ADH5: variants seen among roughly 807,000 people sequenced by gnomAD.
ADH5 encodes alcohol dehydrogenase 5 (class III), chi polypeptide, also known as alcohol dehydrogenase class-3.
A neutral mutation model predicts 40.3 loss-of-function variants in ADH5; 32 were observed. That is an observed-to-expected ratio of 0.79 (90% CI 0.60 to 1.07). The LOEUF is 1.07. Among genes scored for constraint, ADH5 ranks in the 50% least tolerant of loss-of-function variants. The pLI is 0.00. For missense variants in ADH5, 353 were observed against 460.5 expected (o/e 0.77, Z 2.14); for synonymous variants, 125 against 154.3 (o/e 0.81, Z 1.41).
At chr4:99,082,684 A>AT (rs200729151) in intron 2 of ADH5, among the ~76,000 whole-genome samples, 5 of 151,138 alleles carry the variant, frequency 3.3e-5, no homozygotes, top group Admixed American at 1.3e-4. Context: ...GTAACTTATT[A>AT]TTTTTTTTTG....
rs749242408 is a variant in ADH5 at position 99,072,385 on chromosome 4, C to T, written c.*32G>A. The T allele has an allele frequency of 9.3e-6, 15 of 1,609,056 alleles. No individual in the cohort carries two copies. Among genetic ancestry groups the T allele is most frequent in the African/African-American group, 5.4e-5 (4 of 74,760 alleles). The stretch of plus-strand genomic sequence containing the variant: ...CTGTTAAGCTGCTCCTATCACATCA[C>T]GACAGGATGGACATTATTTTTCTCT... On this transcript the variant is annotated 3_prime_UTR_variant, in exon 9 of 9. Transcript: ENST00000296412.
chr4:99,077,839 G>C (rs1727957514), intron 4 of ADH5, among the ~76,000 whole-genome samples: 1 of 152,194 alleles, frequency 6.6e-6, no homozygotes, highest in Non-Finnish European at 1.5e-5. Flanking sequence ...GTAACATCTT[G>C]CTTAGGAGGA....
intron 1 of ADH5, among the ~76,000 whole-genome samples, chr4:99,087,960 T>C (rs1266843845): frequency 6.6e-6 from 1 of 152,230 alleles, no homozygotes; most frequent in Non-Finnish European, 1.5e-5. Flanking sequence ...ATGTTATTCG[T>C]AATTTCTGCC....
intron 1 of ADH5, among the ~76,000 whole-genome samples, chr4:99,086,037 A>AAAACAAAC (rs77642031): frequency 0.28 from 41,474 of 150,652 alleles, 7,695 homozygotes; most frequent in African/African-American, 0.51. Flanking sequence ...ACATCGTCTC[A>AAAACAAAC]AAACAAACAA....
intron 1 of ADH5, among the ~76,000 whole-genome samples, chr4:99,087,064 A>G (rs1728154586): frequency 6.6e-6 from 1 of 151,414 alleles, no homozygotes; most frequent in African/African-American, 2.4e-5. Flanking sequence ...GGGAAAGGAG[A>G]GGTGAACTAC....
chr4:99,078,715 A>G (rs1445972422), intron 4 of ADH5, among the ~76,000 whole-genome samples: 2 of 152,350 alleles, frequency 1.3e-5, no homozygotes, highest in Admixed American at 1.3e-4. Context: ...AATAACTGCT[A>G]TATCTTAATG....
At position 99,075,011 on chromosome 4, in the gene ADH5, G is replaced by A; in HGVS notation, c.864C>T (p.Val288=). ...AAGCAGCTACTCCAACCACGACGCT[G>A]ACGCCCCAGCCCTTGTGACATGCCT... ...ALEACHKGWG[V]SVVVGVAASG... is the part of the protein sequence containing the mutation. Residue 288 remains valine, a synonymous_variant, in exon 7 of 9, where the codon GTC becomes GTT. Coordinates refer to ENST00000296412, the MANE Select transcript of ADH5 (RefSeq NM_000671.4). The A allele has an allele frequency of 6.2e-7, 1 of 1,613,106 alleles. No individual in the cohort carries two copies. Among genetic ancestry groups the A allele is most frequent in the Non-Finnish European group, 8.5e-7 (1 of 1,179,342 alleles).
At chr4:99,075,220 TTG>T (rs1461196857) in intron 6 of ADH5, 171 bp from the exon 7 acceptor site, 12 of 354,788 alleles carry the variant, frequency 3.4e-5, no homozygotes, top group Admixed American at 1.0e-4. Context: ...TTAATTTTTT[TTG>T]TTGTTTTTTT....
chr4:99,072,880 G>A (rs1260280474), intron 7 of ADH5, among the ~76,000 whole-genome samples, 169 bp from the exon 8 acceptor site: 1 of 152,162 alleles, frequency 6.6e-6, no homozygotes, highest in Non-Finnish European at 1.5e-5. Flanking sequence ...TTTCAGTGAA[G>A]AAGTAAATAC....
intron 4 of ADH5, chr4:99,080,667 T>G (rs1407840607): frequency 2.6e-5 from 4 of 152,450 alleles, no homozygotes; most frequent in Non-Finnish European, 4.4e-5. Context: ...AGAAGGCTGT[T>G]GCTGTGCCCA....
At position 99,076,732 on chromosome 4, in the gene ADH5, C is replaced by T. The variant is rs973224678; in HGVS notation, c.536G>A (p.Gly179Asp). 19 of 1,614,014 alleles carry T rather than the reference C, an allele frequency of 1.2e-5. No homozygotes were observed. The highest frequency in any genetic ancestry group is 1.5e-5 in the Non-Finnish European group (18 of 1,179,890). Residue 179 changes from glycine (G) to aspartate (D), a missense_variant, in exon 5 of 9, where the codon GGT (glycine) becomes GAT (aspartate). Gly to Asp is a moderately conservative substitution (Grantham distance 94). Coordinates refer to ENST00000296412, the MANE Select transcript of ADH5 (RefSeq NM_000671.4). ...VCLLGCGIST[G>D]YGAAVNTAKL... ...GGCAGTGTTCACAGCAGCACCATAA[C>T]CGGTTGAAATGCCACAACCTAGAAG...
intron 3 of ADH5, 69 bp downstream of exon 3, chr4:99,081,906 T>C: frequency 1.3e-6 from 2 of 1,542,532 alleles, no homozygotes; most frequent in Non-Finnish European, 1.8e-6. Context: ...GGTAGTTTTA[T>C]CAGAAAAACA....
At position 99,076,416 on chromosome 4, in the gene ADH5, T is replaced by C; in HGVS notation, c.701A>G (p.Glu234Gly). 6.2e-7 allele frequency: 1 copy of C among 1,614,172 alleles called. No homozygotes were observed. Among genetic ancestry groups the C allele is most frequent in the Non-Finnish European group, 8.5e-7 (1 of 1,180,044 alleles). Residue 234 changes from glutamate (E) to glycine (G), a missense_variant, in exon 6 of 9, where the codon GAG becomes GGG. By Grantham distance (98) the Glu-to-Gly change is moderately conservative. Transcript: ENST00000296412. Reference sequence around the variant, plus strand: ...GTTAATACATTCAGTGGCTCCAAACTCTTTGGCCCTTGCAAATTTATCTTT... The same window carrying C: ...GTTAATACATTCAGTGGCTCCAAACCCTTTGGCCCTTGCAAATTTATCTTT... ...INKDKFARAK[E>G]FGATECINPQ...
intron 2 of ADH5, among the ~76,000 whole-genome samples, chr4:99,084,463 T>C (rs1728092675): frequency 6.6e-6 from 1 of 152,228 alleles, no homozygotes; most frequent in Admixed American, 6.5e-5. Flanking sequence ...GTCATGAAGT[T>C]ACCCTATATG....
intron 1 of ADH5, chr4:99,085,706 C>T (rs1728123467): frequency 5.8e-6 from 1 of 172,264 alleles, no homozygotes; most frequent in South Asian, 1.1e-4. Context: ...CCGGCCAATA[C>T]AGCAGCCACT....
At position 99,072,384 on chromosome 4, in the gene ADH5, A is replaced by G; in HGVS notation, c.*33T>C. On this transcript the variant is annotated 3_prime_UTR_variant, in exon 9 of 9. Transcript: ENST00000296412. ...CCTGTTAAGCTGCTCCTATCACATC[A>G]CGACAGGATGGACATTATTTTTCTC... 2 of 1,609,032 alleles carry G rather than the reference A, an allele frequency of 1.2e-6. No homozygotes were observed. Among genetic ancestry groups the G allele is most frequent in the Non-Finnish European group, 1.7e-6 (2 of 1,177,120 alleles).
intron 2 of ADH5, among the ~76,000 whole-genome samples, chr4:99,083,456 C>G (rs1728066608): frequency 6.6e-6 from 1 of 151,694 alleles, no homozygotes; most frequent in Non-Finnish European, 1.5e-5. Flanking sequence ...AAAAACTAGC[C>G]AGGCGTGGTG....
intron 2 of ADH5, 142 bp from the exon 3 acceptor site, chr4:99,082,258 A>G: frequency 1.1e-6 from 1 of 945,078 alleles, no homozygotes; most frequent in East Asian, 2.7e-5. Context: ...CCTCTCTAAA[A>G]TCAGCATGTG....
chr4:99,081,616 A>G lies in ADH5; in HGVS notation c.257-164T>C, dbSNP rs35169500. 6.5e-4 allele frequency: 389 copies of G among 594,898 alleles called. 5 individuals carry two copies. The South Asian group carries it at 9.3e-3, about 14-fold the overall frequency. 36.9% of individuals were successfully genotyped at this position (594,898 alleles called of 1,614,324 possible). A position where few individuals can be genotyped will look rare whatever the true frequency, so the allele number is the denominator to read the frequency against. On this transcript the variant is annotated intron_variant, in intron 3 of 8. Coordinates refer to ENST00000296412, the MANE Select transcript of ADH5 (RefSeq NM_000671.4). ...TCATTCAGATACTGTCTGACCATGC[A>G]AAAAGTATGTTTCAATATTTTTATC...
Sources: allele counts gnomAD v4.1 joint callset (sites outside exome capture counted in the v4.1 genomes callset), GRCh38; gene constraint gnomAD v4.1.1; transcripts MANE v1.5; gene names NCBI Gene and HGNC (gene_info 2026-07-23, HGNC 2026-07-21).